The following SLCO5A1 variants were observed in gnomAD, a reference collection of about 807,000 sequenced individuals.
The protein encoded by SLCO5A1 is solute carrier organic anion transporter family member 5A1.
In SLCO5A1, 39 loss-of-function variants were observed where a neutral mutation model predicts 65.1. That is an observed-to-expected ratio of 0.60 (90% CI 0.46 to 0.78). The LOEUF is 0.78. Ranked by LOEUF, SLCO5A1 falls within the 30% of genes least tolerant of loss-of-function variation. The pLI is 0.00. For synonymous variants in SLCO5A1, 438 were observed against 415.7 expected, an observed-to-expected ratio of 1.05 and a Z score of -0.65; for missense variants, 1,029 against 1,069.4, an observed-to-expected ratio of 0.96 and a Z score of 0.53.
Position 69,781,377 on chromosome 8 carries a change from G to C in SLCO5A1, c.908-19502C>G, listed in dbSNP as rs1440688508. 3.3e-5 allele frequency among the ~76,000 whole-genome samples: 5 copies of C among 152,290 alleles called. No individual in the cohort carries two copies. In the East Asian group the frequency reaches 9.7e-4, roughly 29 times the overall value. ...TTTAGGACACCTTTAACACTACCCT[G>C]TTTTTTGCATCAATCCACAGGAGTT... On this transcript the variant is annotated intron_variant, in intron 2 of 9. Coordinates refer to ENST00000260126, the MANE Select transcript of SLCO5A1 (RefSeq NM_030958.3).
chr8:69,782,548 C>T lies in SLCO5A1; in HGVS notation c.908-20673G>A, dbSNP rs1269376899. ...TGAGTCATGTTCTTGCCACTGCACT[C>T]CAGTTTGGGAGACAGAGCAAGACCC... On this transcript the variant is annotated intron_variant, in intron 2 of 9. Transcript: ENST00000260126. 4.7e-5 allele frequency among the ~76,000 whole-genome samples: 7 copies of T among 147,568 alleles called. No homozygotes were observed. The South Asian group carries it at 1.5e-3, about 31-fold the overall frequency.
intron 6 of SLCO5A1, among the ~76,000 whole-genome samples, chr8:69,703,286 T>C (rs1470185952): frequency 6.6e-6 from 1 of 152,226 alleles, no homozygotes; most frequent in African/African-American, 2.4e-5. Context: ...AATTTGGTAC[T>C]ATTTATTCAA....
chr8:69,784,636 A>C (rs887347476), intron 2 of SLCO5A1, among the ~76,000 whole-genome samples: 1 of 151,790 alleles, frequency 6.6e-6, no homozygotes. Context: ...AAAAATACAA[A>C]AATTAGACAG....
Position 69,828,262 on chromosome 8 carries a change from ATT to A in SLCO5A1, c.907+3503_907+3504del, listed in dbSNP as rs138592070. The stretch of plus-strand genomic sequence containing the variant: ...AAGAATGTGTTCTAACGCATTCATC[ATT>A]TTTTTTTTTTTTAAAAAAAAAGCAA... On this transcript the variant is annotated intron_variant, in intron 2 of 9. Coordinates refer to ENST00000260126, the MANE Select transcript of SLCO5A1 (RefSeq NM_030958.3). 9.3e-3 allele frequency among the ~76,000 whole-genome samples: 1,296 copies of A among 139,738 alleles called. 19 individuals are homozygous for A. The highest frequency in any genetic ancestry group is 0.031 in the African/African-American group (1,099 of 35,804). The allele number at this position is 139,738 out of a possible 152,430, so 91.7% of individuals were successfully genotyped here.
chr8:69,786,412 C>T (rs1385169066), intron 2 of SLCO5A1, among the ~76,000 whole-genome samples: 1 of 152,004 alleles, frequency 6.6e-6, no homozygotes, highest in Admixed American at 6.6e-5. Flanking sequence ...TGCTGAGGGA[C>T]AAAAAAACTA....
chr8:69,792,111 A>G (rs1462354569), intron 2 of SLCO5A1, among the ~76,000 whole-genome samples: 1 of 152,262 alleles, frequency 6.6e-6, no homozygotes, highest in African/African-American at 2.4e-5. Context: ...GCACCCTTAG[A>G]AATACTATAA....
chr8:69,718,357 C>T (rs1447893409), intron 5 of SLCO5A1, among the ~76,000 whole-genome samples: 1 of 152,180 alleles, frequency 6.6e-6, no homozygotes, highest in Non-Finnish European at 1.5e-5. Context: ...TTACTTCCTC[C>T]TTTCCTATCT....
At chr8:69,762,009 G>T in intron 2 of SLCO5A1, 134 bp from the exon 3 acceptor site, 1 of 1,060,612 alleles carries the variant, frequency 9.4e-7, no homozygotes, top group Non-Finnish European at 1.3e-6. Context: ...GACCTTTGGA[G>T]ATTTGTGTCC....
intron 2 of SLCO5A1, among the ~76,000 whole-genome samples, chr8:69,821,356 C>T (rs1406957754): frequency 6.6e-6 from 1 of 150,472 alleles, no homozygotes; most frequent in Non-Finnish European, 1.5e-5. Flanking sequence ...GAGACTCCGT[C>T]TCAAAAAATA....
At chr8:69,675,081 C>T (rs1813494615) in intron 9 of SLCO5A1, among the ~76,000 whole-genome samples, 1 of 151,288 alleles carries the variant, frequency 6.6e-6, no homozygotes, top group South Asian at 2.1e-4. Flanking sequence ...TATTTCTTTT[C>T]TTATTCAATT....
At chr8:69,776,660 A>T (rs1236381151) in intron 2 of SLCO5A1, among the ~76,000 whole-genome samples, 1 of 152,164 alleles carries the variant, frequency 6.6e-6, no homozygotes, top group African/African-American at 2.4e-5. Context: ...ACTGCACTCC[A>T]GCCTGGACGA....
At chr8:69,776,564 T>C (rs564434718) in intron 2 of SLCO5A1, among the ~76,000 whole-genome samples, 1 of 152,076 alleles carries the variant, frequency 6.6e-6, no homozygotes, top group Non-Finnish European at 1.5e-5. Context: ...ATGACATGCA[T>C]CTGTAGTCCC....
chr8:69,691,561 C>A (rs940954269), intron 6 of SLCO5A1, among the ~76,000 whole-genome samples: 3 of 152,206 alleles, frequency 2.0e-5, no homozygotes, highest in Non-Finnish European at 1.5e-5. Context: ...GAACTTGACT[C>A]TTTTAGATAC....
Position 69,763,614 on chromosome 8 carries a change from CAAAAAAAAAAAAAAAAAAA to C in SLCO5A1, c.908-1758_908-1740del, listed in dbSNP as rs770191440. ...CAGGCTAGGAAACAGAGCAAGACTC[CAAAAAAAAAAAAAAAAAAA>C]AAAAAAAAAAAAAAAAAAGGGTGTA... On this transcript the variant is annotated intron_variant, in intron 2 of 9. Coordinates refer to ENST00000260126, the MANE Select transcript of SLCO5A1 (RefSeq NM_030958.3). Among the ~76,000 whole-genome samples the C allele has an allele frequency of 3.7e-3, 49 of 13,162 alleles. 1 individual carries two copies. The highest frequency in any genetic ancestry group is 6.1e-3 in the Non-Finnish European group (37 of 6,094). The allele number at this position is 13,162 out of a possible 152,430, so 8.6% of individuals were successfully genotyped here. A position where few individuals can be genotyped will look rare whatever the true frequency, so the allele number is the denominator to read the frequency against.
intron 2 of SLCO5A1, among the ~76,000 whole-genome samples, chr8:69,765,340 A>G (rs769158961): frequency 4.6e-5 from 7 of 151,858 alleles, no homozygotes; most frequent in Non-Finnish European, 1.0e-4. Flanking sequence ...GGTATATTAC[A>G]GTTATATAAG....
At chr8:69,788,428 C>T (rs1006414208) in intron 2 of SLCO5A1, among the ~76,000 whole-genome samples, 1 of 152,172 alleles carries the variant, frequency 6.6e-6, no homozygotes, top group Non-Finnish European at 1.5e-5. Flanking sequence ...ATATGCAGCT[C>T]AAGTGACCCT....
At position 69,670,584 on chromosome 8, in the gene SLCO5A1, A is replaced by G. The variant is rs1160948418; in HGVS notation, c.*2285T>C. ...GGCCCATTTCTTTGAGTTCTGGCCC[A>G]ATCATCCCAAAGGATTTTATGGAGT... is the stretch of plus-strand genomic sequence containing the variant. On this transcript the variant is annotated 3_prime_UTR_variant, in exon 10 of 10. Transcript: ENST00000260126. 1 of 152,230 alleles carries G rather than the reference A, an allele frequency of 6.6e-6. No homozygotes were observed. The highest frequency in any genetic ancestry group is 1.5e-5 in the Non-Finnish European group (1 of 68,046). The allele number at this position is 152,230 out of a possible 1,614,324, so 9.4% of individuals were successfully genotyped here. A position where few individuals can be genotyped will look rare whatever the true frequency, so the allele number is the denominator to read the frequency against.
intron 5 of SLCO5A1, among the ~76,000 whole-genome samples, chr8:69,731,390 A>T (rs189515609): frequency 2.6e-5 from 4 of 152,220 alleles, no homozygotes; most frequent in Non-Finnish European, 4.4e-5. Context: ...TGCTGATGCC[A>T]TGTAGTATCC....
chr8:69,786,337 C>T (rs771192493), intron 2 of SLCO5A1, among the ~76,000 whole-genome samples: 12 of 152,126 alleles, frequency 7.9e-5, no homozygotes, highest in Non-Finnish European at 1.6e-4. Flanking sequence ...ATCTTATAAA[C>T]CTCATGATCC....
Sources: allele counts gnomAD v4.1 joint callset (sites outside exome capture counted in the v4.1 genomes callset), GRCh38; gene constraint gnomAD v4.1.1; transcripts MANE v1.5; gene names NCBI Gene and HGNC (gene_info 2026-07-23, HGNC 2026-07-21).